The following NEGR1 variants were observed in gnomAD, a reference collection of about 807,000 sequenced individuals.
NEGR1 encodes neuronal growth regulator 1, also known as IgLON family member 4.
A neutral mutation model predicts 40.9 loss-of-function variants in NEGR1; 10 were observed. The observed-to-expected ratio is 0.24, with a 90% CI of 0.15 to 0.42. The LOEUF is 0.42. Ranked by LOEUF, NEGR1 falls within the 10% of genes least tolerant of loss-of-function variation. The pLI is 1.00. For missense variants in NEGR1, 352 were observed against 438.9 expected, an observed-to-expected ratio of 0.80 and a Z score of 1.77; for synonymous variants, 185 against 166.8, an observed-to-expected ratio of 1.11 and a Z score of -0.84.
chr1:71,396,197 C>G lies in NEGR1; in HGVS notation c.*11249G>C, dbSNP rs144054288. The G allele has an allele frequency of 6.6e-6, 1 of 152,232 alleles. No individual in the cohort carries two copies. Among genetic ancestry groups the G allele is most frequent in the Non-Finnish European group, 1.5e-5 (1 of 68,018 alleles). The allele number at this position is 152,232 out of a possible 1,614,324, so 9.4% of individuals were successfully genotyped here. The stretch of plus-strand genomic sequence containing the variant: ...TTTTCTTCTTCCTTTTCCTTTCTCA[C>G]TTTCAGTTTAAAGTGAAATCAGCTT... On this transcript the variant is annotated 3_prime_UTR_variant, in exon 7 of 7. Transcript: ENST00000357731.
At chr1:71,692,092 GT>G (rs1283677502) in intron 4 of NEGR1, among the ~76,000 whole-genome samples, 21 of 151,476 alleles carry the variant, frequency 1.4e-4, no homozygotes. Context: ...TGGATAATGA[GT>G]TTGAAAAACA....
intron 1 of NEGR1, among the ~76,000 whole-genome samples, chr1:72,208,724 A>G (rs1003077000): frequency 6.6e-6 from 1 of 151,640 alleles, no homozygotes; most frequent in Non-Finnish European, 1.5e-5. Flanking sequence ...ATATATTATT[A>G]TTATTTCCTT....
chr1:71,981,600 C>A (rs1189766997), intron 1 of NEGR1, among the ~76,000 whole-genome samples: 2 of 152,044 alleles, frequency 1.3e-5, no homozygotes, highest in African/African-American at 2.4e-5. Context: ...CAGAGAACAA[C>A]AGAGGAGAAA....
rs183407759 is a variant in NEGR1, at chr1:71,593,079, G to A, written c.789-111C>T. ...CCATAGACAATTCAACTACGCTGAC[G>A]TTAGCATATAACGTGATAATGGTGC... On this transcript the variant is annotated intron_variant, in intron 5 of 6. Transcript: ENST00000357731. The A allele has an allele frequency of 3.5e-4, 225 of 649,604 alleles. 1 individual carries two copies. In the East Asian group the frequency reaches 3.9e-3, roughly 11 times the overall value. The allele number at this position is 649,604 out of a possible 1,614,324, so 40.2% of individuals were successfully genotyped here.
chr1:71,754,210 T>G (rs1387762845), intron 3 of NEGR1, among the ~76,000 whole-genome samples: 1 of 152,000 alleles, frequency 6.6e-6, no homozygotes, highest in East Asian at 1.9e-4. Context: ...ACCTCAGAGG[T>G]GCTGGGCTCC....
intron 4 of NEGR1, among the ~76,000 whole-genome samples, chr1:71,618,759 CA>C (rs1650521664): frequency 6.6e-6 from 1 of 152,048 alleles, no homozygotes; most frequent in Non-Finnish European, 1.5e-5. Flanking sequence ...AATTGTCTTC[CA>C]AAAAACCGGT....
rs78743085 is a variant in NEGR1 at position 71,818,235 on chromosome 1, G to C, written c.410-41938C>G. Among the ~76,000 whole-genome samples the C allele has an allele frequency of 6.3e-3, 952 of 152,040 alleles. 5 individuals are homozygous for C. Among genetic ancestry groups the C allele is most frequent in the Middle Eastern group, 0.024 (7 of 294 alleles). Reference sequence around the variant, plus strand: ...TTCTACCATAAAGACGTATACATGAGTATGTTCACCACAGAACTATTCACA... The same window carrying C: ...TTCTACCATAAAGACGTATACATGACTATGTTCACCACAGAACTATTCACA... On this transcript the variant is annotated intron_variant, in intron 2 of 6. Coordinates refer to ENST00000357731, the MANE Select transcript of NEGR1 (RefSeq NM_173808.3).
At chr1:72,139,061 C>T (rs561491931) in intron 1 of NEGR1, among the ~76,000 whole-genome samples, 2 of 149,354 alleles carry the variant, frequency 1.3e-5, no homozygotes, top group East Asian at 3.9e-4. Flanking sequence ...TGAAAAATTC[C>T]TAAATATTGG....
chr1:71,492,349 A>G (rs1646935695), intron 6 of NEGR1, among the ~76,000 whole-genome samples: 1 of 152,066 alleles, frequency 6.6e-6, no homozygotes, highest in South Asian at 2.1e-4. Context: ...AACCATTTAT[A>G]ATAGTGTCAG....
chr1:71,798,712 C>A (rs2101745346), intron 2 of NEGR1, among the ~76,000 whole-genome samples: 1 of 152,146 alleles, frequency 6.6e-6, no homozygotes, highest in Middle Eastern at 3.4e-3. Flanking sequence ...TCCTCCAAGG[C>A]TATGCAGGCA....
intron 1 of NEGR1, among the ~76,000 whole-genome samples, chr1:71,943,085 T>C (rs541967733): frequency 9.2e-4 from 135 of 146,516 alleles, no homozygotes; most frequent in Admixed American, 1.5e-3. Context: ...TGTATATATA[T>C]ACACACATAC....
intron 1 of NEGR1, among the ~76,000 whole-genome samples, chr1:71,950,761 G>T (rs567296571): frequency 6.6e-6 from 1 of 151,840 alleles, no homozygotes; most frequent in Non-Finnish European, 1.5e-5. Flanking sequence ...AATTGTCTTT[G>T]TAGTCAATAC....
intron 6 of NEGR1, among the ~76,000 whole-genome samples, chr1:71,560,449 G>A (rs4559445): frequency 0.27 from 28,935 of 108,222 alleles, 4,553 homozygotes; most frequent in East Asian, 0.53. Context: ...ATATATATAT[G>A]TATATATATA....
At chr1:72,262,359 T>C (rs923041942) in intron 1 of NEGR1, among the ~76,000 whole-genome samples, 2 of 152,032 alleles carry the variant, frequency 1.3e-5, no homozygotes, top group Non-Finnish European at 2.9e-5. Flanking sequence ...ACTGGTTTCC[T>C]TTATAGTGAC....
chr1:71,932,751 T>G (rs1159398904), intron 2 of NEGR1, among the ~76,000 whole-genome samples: 1 of 152,082 alleles, frequency 6.6e-6, no homozygotes, highest in Non-Finnish European at 1.5e-5. Context: ...GTCAGATTGT[T>G]AGGCAAAGAG....
chr1:72,021,528 T>TA (rs1445071437), intron 1 of NEGR1, among the ~76,000 whole-genome samples: 3 of 151,998 alleles, frequency 2.0e-5, no homozygotes, highest in African/African-American at 7.2e-5. Flanking sequence ...AGATAAGTCA[T>TA]AAAAACCATA....
chr1:71,994,200 C>CTA (rs1273432788), intron 1 of NEGR1, among the ~76,000 whole-genome samples: 1 of 152,066 alleles, frequency 6.6e-6, no homozygotes, highest in East Asian at 1.9e-4. Flanking sequence ...AATTATGAGC[C>CTA]TAAAGGTGAT....
At chr1:72,185,109 C>A (rs1652563839) in intron 1 of NEGR1, among the ~76,000 whole-genome samples, 1 of 152,000 alleles carries the variant, frequency 6.6e-6, no homozygotes, top group East Asian at 1.9e-4. Flanking sequence ...TGGAACATGG[C>A]AGGTTATCCA....
chr1:72,088,831 A>T, intron 1 of NEGR1, among the ~76,000 whole-genome samples: 1 of 117,318 alleles, frequency 8.5e-6, no homozygotes, highest in Non-Finnish European at 1.7e-5. Flanking sequence ...TTTGAGACGG[A>T]ATGGACTCTC....
Sources: gnomAD v4.1 joint callset for allele counts (sites outside exome capture counted in the v4.1 genomes callset) on GRCh38, gnomAD v4.1.1 for gene constraint, MANE v1.5 for transcripts, NCBI Gene and HGNC (gene_info 2026-07-23, HGNC 2026-07-21) for gene names.